The following SOBP variants were observed in gnomAD, a reference collection of about 807,000 sequenced individuals.
SOBP encodes the protein sine oculis binding protein homolog, also known as sine oculis-binding protein homolog.
A neutral mutation model predicts 53.6 loss-of-function variants in SOBP; 4 were observed. The ratio of observed to expected loss-of-function variants is 0.07; its 90% CI spans 0.04 to 0.17. SOBP has a LOEUF of 0.17. SOBP is among the 10% of genes least tolerant of loss of function. The pLI, the probability that SOBP is intolerant of heterozygous loss-of-function variation, is 1.00. For synonymous variants in SOBP, 584 were observed against 522.6 expected, an observed-to-expected ratio of 1.12 and a Z score of -1.60; for missense variants, 1,088 against 1,204.7, an observed-to-expected ratio of 0.90 and a Z score of 1.43.
chr6:107,533,704 CT>C, intron 4 of SOBP, 94 bp downstream of exon 4: 4 of 1,464,282 alleles, frequency 2.7e-6, no homozygotes, highest in Non-Finnish European at 3.8e-6. Flanking sequence ...CACTGCGCAC[CT>C]TTTACTTTTA....
intron 4 of SOBP, among the ~76,000 whole-genome samples, chr6:107,546,799 CA>C (rs1784314456): frequency 6.6e-6 from 1 of 152,052 alleles, no homozygotes. Context: ...TATAGCCTTG[CA>C]AAAAAGTAAG....
intron 1 of SOBP, among the ~76,000 whole-genome samples, chr6:107,500,630 TC>T (rs1460306022): frequency 1.3e-5 from 2 of 151,674 alleles, no homozygotes; most frequent in Non-Finnish European, 2.9e-5. Context: ...CACGCCATTC[TC>T]CTGCCTCAGC....
chr6:107,574,848 C>A (rs192374397), intron 4 of SOBP, among the ~76,000 whole-genome samples: 4 of 152,112 alleles, frequency 2.6e-5, no homozygotes, highest in African/African-American at 7.2e-5. Context: ...GTGCCAGCTC[C>A]CTCACCACCC....
At chr6:107,653,401 G>A (rs544556584) in intron 6 of SOBP, among the ~76,000 whole-genome samples, 6 of 152,342 alleles carry the variant, frequency 3.9e-5, no homozygotes, top group Admixed American at 1.3e-4. Flanking sequence ...GATAAACAGC[G>A]TTGCCGCAGC....
intron 5 of SOBP, among the ~76,000 whole-genome samples, chr6:107,595,549 A>G (rs1035100735): frequency 6.6e-6 from 1 of 152,172 alleles, no homozygotes; most frequent in Non-Finnish European, 1.5e-5. Flanking sequence ...TGCCTAAAAT[A>G]CCAAAGAGAA....
chr6:107,597,514 G>T (rs912672842), intron 5 of SOBP, among the ~76,000 whole-genome samples: 2 of 152,018 alleles, frequency 1.3e-5, no homozygotes, highest in South Asian at 4.1e-4. Context: ...TATAGGAAAA[G>T]GAAAATAAAC....
intron 6 of SOBP, among the ~76,000 whole-genome samples, chr6:107,651,292 C>G (rs900222769): frequency 1.3e-5 from 2 of 152,116 alleles, no homozygotes; most frequent in African/African-American, 2.4e-5. Flanking sequence ...AATGCTACTC[C>G]AGTGAAGACA....
chr6:107,499,275 T>C (rs1351420277), intron 1 of SOBP, among the ~76,000 whole-genome samples: 1 of 152,202 alleles, frequency 6.6e-6, no homozygotes, highest in Non-Finnish European at 1.5e-5. Flanking sequence ...TTTTACCTTC[T>C]TGATGTTCTA....
Position 107,634,295 on chromosome 6 carries a change from C to G in SOBP, c.1451C>G (p.Pro484Arg). The change falls in exon 6 of 7, where the codon CCG becomes CGG. Residue 484 changes from proline to arginine, a missense_variant. Pro to Arg is a moderately radical substitution (Grantham distance 103, BLOSUM62 -2). This residue lies in a region of SOBP where 665 missense variants were observed against 629.7 expected (regional missense o/e 1.06). Transcript: ENST00000317357. The surrounding 1 kb of genome is among the most constrained non-coding windows in gnomAD (Gnocchi z 4.5). ...GLLPPPPPGA[P>R]LPSLPFPPVS... ...CTGCCCCCGCCGCCTCCGGGCGCCCCGCTGCCGAGTCTTCCCTTCCCGCCA... is the reference window on the plus strand; with the variant it reads ...CTGCCCCCGCCGCCTCCGGGCGCCCGGCTGCCGAGTCTTCCCTTCCCGCCA... The G allele has an allele frequency of 6.4e-7, 1 of 1,564,100 alleles. No homozygotes were observed. Among genetic ancestry groups the G allele is most frequent in the Non-Finnish European group, 8.6e-7 (1 of 1,161,626 alleles).
chr6:107,563,223 C>T (rs1304069942), intron 4 of SOBP, among the ~76,000 whole-genome samples: 1 of 152,114 alleles, frequency 6.6e-6, no homozygotes, highest in Non-Finnish European at 1.5e-5. Flanking sequence ...CACCAGTGCA[C>T]TCCAGCCTGG....
chr6:107,652,330 T>C (rs1771836016), intron 6 of SOBP, among the ~76,000 whole-genome samples: 1 of 152,232 alleles, frequency 6.6e-6, no homozygotes, highest in Admixed American at 6.5e-5. Context: ...TGGATGACTT[T>C]GAAGGGTTCA....
chr6:107,629,081 A>T (rs916181701), intron 5 of SOBP, among the ~76,000 whole-genome samples: 1 of 152,194 alleles, frequency 6.6e-6, no homozygotes, highest in African/African-American at 2.4e-5. Context: ...CCCTTTTATG[A>T]TAAGCTACAG....
intron 2 of SOBP, among the ~76,000 whole-genome samples, chr6:107,505,086 A>G (rs1167624942): frequency 6.6e-6 from 1 of 152,014 alleles, no homozygotes; most frequent in South Asian, 2.1e-4. Flanking sequence ...TAAAATTTTT[A>G]TTTTTGTTAT....
At chr6:107,533,374 G>A in intron 3 of SOBP, 85 bp from the exon 4 acceptor site, 1 of 1,455,688 alleles carries the variant, frequency 6.9e-7, no homozygotes, top group Non-Finnish European at 9.6e-7. Flanking sequence ...TCAGGCCCAG[G>A]TAGCTCTGTC....
intron 4 of SOBP, among the ~76,000 whole-genome samples, chr6:107,581,478 T>G (rs1322759003): frequency 6.6e-6 from 1 of 152,136 alleles, no homozygotes; most frequent in African/African-American, 2.4e-5. Context: ...CCTCCCTATG[T>G]TGTTCCCACC....
chr6:107,649,154 C>G (rs1361797731), intron 6 of SOBP, among the ~76,000 whole-genome samples: 17 of 132,330 alleles, frequency 1.3e-4, no homozygotes, highest in Non-Finnish European at 1.8e-4. Context: ...CTTGCCCCGC[C>G]CCCACTACCA....
chr6:107,541,431 G>A (rs1362816526), intron 4 of SOBP, among the ~76,000 whole-genome samples: 1 of 152,128 alleles, frequency 6.6e-6, no homozygotes, highest in African/African-American at 2.4e-5. Context: ...AATAGTAGAA[G>A]TTATGACGTA....
chr6:107,637,560 A>G (rs1384054565), intron 6 of SOBP, among the ~76,000 whole-genome samples: 1 of 152,244 alleles, frequency 6.6e-6, no homozygotes, highest in Non-Finnish European at 1.5e-5. Flanking sequence ...AATCTGGTTG[A>G]CAAAGCTGTG....
chr6:107,530,053 A>G (rs1310591384), intron 3 of SOBP, among the ~76,000 whole-genome samples: 1 of 152,192 alleles, frequency 6.6e-6, no homozygotes, highest in African/African-American at 2.4e-5. Context: ...ATTGTTTATT[A>G]TAAAAATGCA....
Sources: gnomAD v4.1 joint callset for allele counts (sites outside exome capture counted in the v4.1 genomes callset) on GRCh38, gnomAD v4.1.1 for gene constraint, gnomAD v4.1.1 regional missense constraint, Gnocchi (gnomAD v3.1) non-coding constraint, MANE v1.5 for transcripts, NCBI Gene and HGNC (gene_info 2026-07-23, HGNC 2026-07-21) for gene names.